Variants in ZNF560 observed in about 807,000 individuals in gnomAD.
The protein encoded by ZNF560 is zinc finger protein 560.
In ZNF560, 54 loss-of-function variants were observed where a neutral mutation model predicts 81.8. The ratio of observed to expected loss-of-function variants is 0.66; its 90% confidence interval spans 0.53 to 0.83. ZNF560 has a LOEUF of 0.83. Among genes scored for constraint, ZNF560 ranks in the 40% least tolerant of loss-of-function variants. The probability of loss-of-function intolerance (pLI) is 0.00; values close to 1 mark genes in which losing one functional copy is unlikely to be tolerated. For missense variants in ZNF560, 940 were observed against 932.4 expected (o/e 1.01, Z -0.11); for synonymous variants, 321 against 317.9 (o/e 1.01, Z -0.10).
chr19:9,456,607 G>T, the ZNF560 span, among the ~76,000 whole-genome samples: 9 of 152,248 alleles, frequency 5.9e-5, no homozygotes, highest in East Asian at 1.4e-3. Flanking sequence ...TACAGGAGTG[G>T]ACATTTCAAT....
Position 9,474,186 on chromosome 19 carries a change from A to T in ZNF560, c.157+13T>A. On this transcript the variant is annotated intron_variant, in intron 4 of 9. Coordinates refer to ENST00000301480, the MANE Select transcript of ZNF560 (RefSeq NM_152476.3). Reference sequence around the variant, plus strand: ...CTTCCCTAAGAGGCTGCATAAAATGATGGCAGTCTTACCTACTTTGGCCAC... The same window carrying T: ...CTTCCCTAAGAGGCTGCATAAAATGTTGGCAGTCTTACCTACTTTGGCCAC... 1 of 1,614,092 alleles carries T rather than the reference A, an allele frequency of 6.2e-7. No individual in the cohort carries two copies. Among genetic ancestry groups the T allele is most frequent in the East Asian group, 2.2e-5 (1 of 44,876 alleles).
chr19:9,446,252 C>G, the ZNF560 span, among the ~76,000 whole-genome samples: 1 of 151,918 alleles, frequency 6.6e-6, no homozygotes, highest in African/African-American at 2.4e-5. Flanking sequence ...ATTTACTTTT[C>G]AGATTCTTCA....
At chr19:9,454,498 C>T in the ZNF560 span, among the ~76,000 whole-genome samples, 1 of 152,094 alleles carries the variant, frequency 6.6e-6, no homozygotes, top group Non-Finnish European at 1.5e-5. Flanking sequence ...CTTAAGCAAT[C>T]CCCATGGTAA....
At chr19:9,452,059 C>G in the ZNF560 span, among the ~76,000 whole-genome samples, 4 of 151,714 alleles carry the variant, frequency 2.6e-5, no homozygotes, top group Non-Finnish European at 4.4e-5. Context: ...CTGGGTGACA[C>G]AGTGAGACTC....
At chr19:9,462,914 C>A (rs1214265252), downstream of ZNF560, among the ~76,000 whole-genome samples, 3 of 152,128 alleles carry the variant, frequency 2.0e-5, no homozygotes, top group Non-Finnish European at 1.5e-5. Flanking sequence ...TTAAGCCATT[C>A]ATGGGAAAGA....
downstream of ZNF560, among the ~76,000 whole-genome samples, chr19:9,464,145 G>C (rs957406311): frequency 2.0e-5 from 3 of 152,200 alleles, no homozygotes; most frequent in Non-Finnish European, 4.4e-5. Flanking sequence ...TGGTTATGCA[G>C]CTTGTGCGTG....
chr19:9,486,750 A>T lies in ZNF560; in HGVS notation c.-57+11378T>A, dbSNP rs149799412. Among the ~76,000 whole-genome samples the T allele has an allele frequency of 8.4e-3, 1,172 of 139,052 alleles. 14 individuals carry two copies. Among genetic ancestry groups the T allele is most frequent in the African/African-American group, 0.037 (1,092 of 29,176 alleles). 91.2% of individuals were successfully genotyped at this position (139,052 alleles called of 152,430 possible). ...AGTGAGACTCTGTCTCAAAAAAAAA[A>T]GAAGAAAAGAAAAAAAAAAGAAATA... is the stretch of plus-strand genomic sequence containing the variant. On this transcript the variant is annotated intron_variant, in intron 2 of 9. Coordinates refer to ENST00000301480, the MANE Select transcript of ZNF560 (RefSeq NM_152476.3).
At chr19:9,449,104 AAACT>A in the ZNF560 span, among the ~76,000 whole-genome samples, 1 of 152,254 alleles carries the variant, frequency 6.6e-6, no homozygotes, top group East Asian at 1.9e-4. Flanking sequence ...CTGAGGCAGA[AAACT>A]AACAAATTCT....
chr19:9,496,414 CAG>C (rs2073559163), intron 2 of ZNF560, among the ~76,000 whole-genome samples: 1 of 151,502 alleles, frequency 6.6e-6, no homozygotes, highest in South Asian at 2.1e-4. Context: ...TTAGTAGAGA[CAG>C]GGATTCACCA....
chr19:9,489,626 G>A (rs2073440286), intron 2 of ZNF560, among the ~76,000 whole-genome samples: 2 of 150,998 alleles, frequency 1.3e-5, no homozygotes, highest in African/African-American at 4.9e-5. Context: ...TTTGAGACAT[G>A]TCACCCAGGC....
the ZNF560 span, among the ~76,000 whole-genome samples, chr19:9,453,246 C>G: frequency 6.6e-6 from 1 of 152,184 alleles, no homozygotes; most frequent in Non-Finnish European, 1.5e-5. Flanking sequence ...AAAAACCAAC[C>G]ATGTTGGCAC....
At chr19:9,449,029 C>T in the ZNF560 span, among the ~76,000 whole-genome samples, 1 of 152,156 alleles carries the variant, frequency 6.6e-6, no homozygotes, top group Admixed American at 6.5e-5. Context: ...ACTTCTAGAC[C>T]TACAAACAGA....
intron 3 of ZNF560, 45 bp from the exon 4 acceptor site, chr19:9,474,370 A>C: frequency 6.4e-7 from 1 of 1,570,644 alleles, no homozygotes. Flanking sequence ...TAACAGATTA[A>C]CCAGTGTTCA....
At chr19:9,447,666 A>AC in the ZNF560 span, among the ~76,000 whole-genome samples, 3 of 150,452 alleles carry the variant, frequency 2.0e-5, no homozygotes, top group Admixed American at 1.3e-4. Flanking sequence ...TCAGACAAAC[A>AC]CAAAGAAAAA....
intron 9 of ZNF560, among the ~76,000 whole-genome samples, 167 bp from the exon 10 acceptor site, chr19:9,468,501 G>A (rs903909402): frequency 2.0e-5 from 3 of 152,152 alleles, no homozygotes; most frequent in Non-Finnish European, 4.4e-5. Context: ...CCTACTGTAA[G>A]AATCCTATGT....
At chr19:9,465,129 A>ATTTTTTTTT (rs887659069), downstream of ZNF560, among the ~76,000 whole-genome samples, 1 of 129,526 alleles carries the variant, frequency 7.7e-6, no homozygotes, top group Non-Finnish European at 1.6e-5. Context: ...AAAGCTATTG[A>ATTTTTTTTT]TTTTTTTTTT....
chr19:9,502,153 CAAAAAAGA>C (rs1266849460), upstream of ZNF560, among the ~76,000 whole-genome samples: 2 of 147,114 alleles, frequency 1.4e-5, no homozygotes, highest in African/African-American at 2.5e-5. Flanking sequence ...GATCTCATCT[CAAAAAAGA>C]AAAAAAGAAA....
upstream of ZNF560, among the ~76,000 whole-genome samples, chr19:9,500,855 G>A (rs1476365738): frequency 3.3e-5 from 5 of 152,160 alleles, no homozygotes; most frequent in East Asian, 1.9e-4. Context: ...GATTACAGGT[G>A]TGAGCCACCA....
intron 5 of ZNF560, among the ~76,000 whole-genome samples, chr19:9,471,850 C>G (rs2144692213): frequency 6.6e-6 from 1 of 152,338 alleles, no homozygotes; most frequent in Non-Finnish European, 1.5e-5. Flanking sequence ...GTGGCTTACG[C>G]CTGTAATCCC....
Sources: gnomAD v4.1 joint callset for allele counts (sites outside exome capture counted in the v4.1 genomes callset) on GRCh38, gnomAD v4.1.1 for gene constraint, MANE v1.5 for transcripts, NCBI Gene and HGNC (gene_info 2026-07-23, HGNC 2026-07-21) for gene names.